The following CHST8 variants were observed in gnomAD, a reference collection of about 807,000 sequenced individuals.
CHST8 encodes carbohydrate sulfotransferase 8, also known as GALNAC-4-ST1.
A neutral mutation model predicts 15.0 loss-of-function variants in CHST8; 10 were observed. The observed-to-expected ratio is 0.67, with a 90% CI of 0.41 to 1.13. CHST8 has a LOEUF of 1.13. CHST8 is among the 50% of genes most tolerant of loss of function. The probability of loss-of-function intolerance (pLI) is 0.00; values close to 1 mark genes in which losing one functional copy is unlikely to be tolerated. For missense variants in CHST8, 634 were observed against 608.2 expected, an observed-to-expected ratio of 1.04 and a Z score of -0.45; for synonymous variants, 259 against 256.6, an observed-to-expected ratio of 1.01 and a Z score of -0.09.
At chr19:33,702,227 C>A (rs1973353148) in intron 3 of CHST8, among the ~76,000 whole-genome samples, 1 of 152,170 alleles carries the variant, frequency 6.6e-6, no homozygotes, top group Non-Finnish European at 1.5e-5. Flanking sequence ...CCACAGGAAT[C>A]CACCTGCCTT....
intron 1 of CHST8, among the ~76,000 whole-genome samples, chr19:33,628,823 A>T (rs1972089510): frequency 1.3e-5 from 2 of 152,168 alleles, no homozygotes; most frequent in Admixed American, 1.3e-4. Flanking sequence ...GGGATGTGGT[A>T]AGGAGTGGTC....
intron 2 of CHST8, among the ~76,000 whole-genome samples, chr19:33,682,121 G>T (rs1972899326): frequency 6.6e-6 from 1 of 151,436 alleles, no homozygotes. Flanking sequence ...TCCCAAAAGT[G>T]CTGGGATTAT....
At chr19:33,660,879 G>A (rs1972577016) in intron 1 of CHST8, among the ~76,000 whole-genome samples, 1 of 152,182 alleles carries the variant, frequency 6.6e-6, no homozygotes, top group South Asian at 2.1e-4. Flanking sequence ...AACACCATCT[G>A]TTTACCTTTA....
At chr19:33,703,924 C>T (rs1432499371) in intron 3 of CHST8, among the ~76,000 whole-genome samples, 5 of 152,174 alleles carry the variant, frequency 3.3e-5, no homozygotes, top group Non-Finnish European at 7.3e-5. Flanking sequence ...CTGACAGCTG[C>T]CACTGGGGAG....
intron 3 of CHST8, among the ~76,000 whole-genome samples, chr19:33,710,059 G>A (rs940659569): frequency 2.0e-5 from 3 of 152,164 alleles, no homozygotes; most frequent in Admixed American, 1.3e-4. Context: ...GTCAGCTCTA[G>A]TAATTTATGT....
intron 3 of CHST8, among the ~76,000 whole-genome samples, chr19:33,715,469 A>G (rs1344703167): frequency 6.6e-6 from 1 of 152,246 alleles, no homozygotes; most frequent in Non-Finnish European, 1.5e-5. Context: ...TTGATAGGAT[A>G]GTAATTTAGG....
chr19:33,641,529 G>A (rs550077343), intron 1 of CHST8, among the ~76,000 whole-genome samples: 2 of 152,316 alleles, frequency 1.3e-5, no homozygotes, highest in South Asian at 4.1e-4. Context: ...TCCCCAGGGG[G>A]GCAAGGTGGC....
intron 2 of CHST8, among the ~76,000 whole-genome samples, chr19:33,672,571 A>C (rs941067557): frequency 6.6e-6 from 1 of 152,174 alleles, no homozygotes; most frequent in Non-Finnish European, 1.5e-5. Flanking sequence ...TCTTAGGCAG[A>C]TGTGTTTGCG....
At chr19:33,728,013 A>G (rs1973933936) in intron 3 of CHST8, among the ~76,000 whole-genome samples, 1 of 152,248 alleles carries the variant, frequency 6.6e-6, no homozygotes, top group Non-Finnish European at 1.5e-5. Flanking sequence ...TGGTAAGCAG[A>G]GCCTGGGGGC....
chr19:33,696,413 G>A (rs766798388), intron 3 of CHST8, among the ~76,000 whole-genome samples: 3 of 150,566 alleles, frequency 2.0e-5, no homozygotes, highest in African/African-American at 7.3e-5. Flanking sequence ...CTGTCAGATC[G>A]GTGGCCACAT....
At chr19:33,629,402 C>T (rs1031131535) in intron 1 of CHST8, among the ~76,000 whole-genome samples, 1 of 152,256 alleles carries the variant, frequency 6.6e-6, no homozygotes, top group African/African-American at 2.4e-5. Flanking sequence ...TCCTTTTCCT[C>T]CTCCCCAAGG....
chr19:33,689,046 G>C (rs1366290104), intron 2 of CHST8, 130 bp from the exon 3 acceptor site: 2 of 426,434 alleles, frequency 4.7e-6, no homozygotes, highest in Non-Finnish European at 8.0e-6. Context: ...GGATGGAAAG[G>C]GCACCCCTGG....
intron 1 of CHST8, among the ~76,000 whole-genome samples, chr19:33,667,032 G>A (rs1972672565): frequency 6.6e-6 from 1 of 152,136 alleles, no homozygotes; most frequent in South Asian, 2.1e-4. Context: ...CCAGCCTGGG[G>A]GCCAGCCCCT....
At chr19:33,700,220 G>A (rs553938702) in intron 3 of CHST8, among the ~76,000 whole-genome samples, 10 of 152,322 alleles carry the variant, frequency 6.6e-5, no homozygotes, top group Middle Eastern at 3.4e-3. Flanking sequence ...ACGGCATTGC[G>A]GAACATCATA....
chr19:33,713,987 G>A (rs557256040), intron 3 of CHST8, among the ~76,000 whole-genome samples: 1 of 152,298 alleles, frequency 6.6e-6, no homozygotes, highest in African/African-American at 2.4e-5. Context: ...TGCACCAGGA[G>A]GGGCAGGCGT....
intron 3 of CHST8, among the ~76,000 whole-genome samples, chr19:33,699,253 G>C (rs747946147): frequency 6.6e-6 from 1 of 152,172 alleles, no homozygotes; most frequent in African/African-American, 2.4e-5. Flanking sequence ...ATGGAGACAC[G>C]GGAGGAGGAA....
At chr19:33,735,071 A>C (rs1974058389) in intron 3 of CHST8, among the ~76,000 whole-genome samples, 10 of 152,226 alleles carry the variant, frequency 6.6e-5, no homozygotes, top group Admixed American at 6.5e-4. Context: ...GGCAAGCAGC[A>C]GTGCCAGGCC....
At chr19:33,712,368 C>T in intron 3 of CHST8, among the ~76,000 whole-genome samples, 1 of 152,148 alleles carries the variant, frequency 6.6e-6, no homozygotes, top group Admixed American at 6.5e-5. Context: ...CACTCGGAAA[C>T]AGGGTGGACA....
intron 3 of CHST8, among the ~76,000 whole-genome samples, chr19:33,700,138 G>A (rs1599564595): frequency 6.6e-6 from 1 of 152,200 alleles, no homozygotes; most frequent in African/African-American, 2.4e-5. Context: ...TTTCCATGGA[G>A]CCGGCTGCTT....
Sources: allele counts gnomAD v4.1 joint callset (sites outside exome capture counted in the v4.1 genomes callset), GRCh38; gene constraint gnomAD v4.1.1; transcripts MANE v1.5; gene names NCBI Gene and HGNC (gene_info 2026-07-23, HGNC 2026-07-21).